Variants in MAGI2 observed in about 807,000 individuals in gnomAD.
MAGI2 encodes the protein membrane-associated guanylate kinase, WW and PDZ domain-containing protein 2.
A neutral mutation model predicts 133.3 loss-of-function variants in MAGI2; 35 were observed. The observed-to-expected ratio is 0.26, with a 90% CI of 0.20 to 0.35. The LOEUF is 0.35. Ranked by LOEUF, MAGI2 falls within the 10% of genes least tolerant of loss-of-function variation. The probability of loss-of-function intolerance (pLI) is 1.00; values close to 1 mark genes in which losing one functional copy is unlikely to be tolerated. For synonymous variants in MAGI2, 729 were observed against 710.6 expected (o/e 1.03, Z -0.41); for missense variants, 1,636 against 1,863.4 (o/e 0.88, Z 2.25).
intron 2 of MAGI2, among the ~76,000 whole-genome samples, chr7:78,771,523 G>A (rs952282463): frequency 6.6e-6 from 1 of 152,216 alleles, no homozygotes. Context: ...TACCAATTAA[G>A]AGAAGCTAGT....
chr7:78,395,794 G>A (rs1232804019), intron 6 of MAGI2, among the ~76,000 whole-genome samples: 1 of 152,160 alleles, frequency 6.6e-6, no homozygotes, highest in Non-Finnish European at 1.5e-5. Flanking sequence ...TGGCAAGAAT[G>A]TGATGAACAT....
intron 1 of MAGI2, among the ~76,000 whole-genome samples, chr7:79,077,782 G>T (rs1815665178): frequency 6.6e-6 from 1 of 151,714 alleles, no homozygotes. Flanking sequence ...AAATTTTAAT[G>T]GTTACCTAGC....
intron 2 of MAGI2, among the ~76,000 whole-genome samples, chr7:78,903,145 G>A (rs1270135148): frequency 3.5e-5 from 5 of 142,306 alleles, no homozygotes; most frequent in Admixed American, 1.4e-4. Context: ...ACTTTCTCGG[G>A]ATTCATGCAA....
chr7:79,375,659 T>G (rs1473225129), intron 1 of MAGI2, among the ~76,000 whole-genome samples: 1 of 151,932 alleles, frequency 6.6e-6, no homozygotes, highest in Non-Finnish European at 1.5e-5. Context: ...CCTGGCTTGA[T>G]AATTCAAATG....
At position 78,559,621 on chromosome 7, in the gene MAGI2, A is replaced by G. The variant is rs1163604765; in HGVS notation, c.539-37976T>C. Among the ~76,000 whole-genome samples the G allele has an allele frequency of 3.3e-5, 5 of 152,172 alleles. No homozygotes were observed. The South Asian group carries it at 6.2e-4, about 19-fold the overall frequency. ...ATTGTCCTGCTGAAAGGGAACCCAC[A>G]GAGTAGAAAAAATACCCGAGAATCA... On this transcript the variant is annotated intron_variant, in intron 3 of 21. Coordinates refer to ENST00000354212, the MANE Select transcript of MAGI2 (RefSeq NM_012301.4).
chr7:78,178,239 G>A, intron 13 of MAGI2, 137 bp from the exon 14 acceptor site: 5 of 555,264 alleles, frequency 9.0e-6, no homozygotes, highest in Non-Finnish European at 1.3e-5. Context: ...AAACCATAGA[G>A]GATACAAAAA....
chr7:79,416,163 A>G (rs977466365), intron 1 of MAGI2, among the ~76,000 whole-genome samples: 1 of 152,114 alleles, frequency 6.6e-6, no homozygotes, highest in African/African-American at 2.4e-5. Context: ...ATAACTGGTT[A>G]CATCACCAAT....
At chr7:79,271,049 C>G (rs1245156327) in intron 1 of MAGI2, among the ~76,000 whole-genome samples, 1 of 152,046 alleles carries the variant, frequency 6.6e-6, no homozygotes, top group African/African-American at 2.4e-5. Context: ...CAACTTATGG[C>G]TCTCTTTGAT....
At chr7:78,045,962 G>A (rs1811376411) in intron 21 of MAGI2, among the ~76,000 whole-genome samples, 4 of 152,126 alleles carry the variant, frequency 2.6e-5, no homozygotes, top group Admixed American at 2.6e-4. Flanking sequence ...TCAATGCCAA[G>A]CTTAAGAACT....
chr7:78,893,450 A>G (rs1235134605), intron 2 of MAGI2, among the ~76,000 whole-genome samples: 1 of 152,138 alleles, frequency 6.6e-6, no homozygotes, highest in Non-Finnish European at 1.5e-5. Context: ...TTGCGGCACT[A>G]TTCACAATAG....
At chr7:78,710,436 T>A (rs1563389916) in intron 2 of MAGI2, among the ~76,000 whole-genome samples, 2 of 152,122 alleles carry the variant, frequency 1.3e-5, no homozygotes, top group Admixed American at 1.3e-4. Context: ...ATTAACCCCA[T>A]CAAAGAATGT....
At chr7:78,940,949 A>G (rs1019654037) in intron 2 of MAGI2, 1 of 152,210 alleles carries the variant, frequency 6.6e-6, no homozygotes, top group Non-Finnish European at 1.5e-5. Flanking sequence ...CGTACATAGA[A>G]CTTTAGAAAG....
chr7:78,690,343 T>C (rs1816823964), intron 2 of MAGI2, among the ~76,000 whole-genome samples: 2 of 152,222 alleles, frequency 1.3e-5, no homozygotes, highest in South Asian at 2.1e-4. Context: ...CATAATACCA[T>C]GTATGTTTCA....
chr7:78,983,427 A>C (rs1254842152), intron 2 of MAGI2, among the ~76,000 whole-genome samples: 1 of 151,944 alleles, frequency 6.6e-6, no homozygotes, highest in Admixed American at 6.6e-5. Context: ...TTTCGGATAA[A>C]GGAGATTTTC....
chr7:79,382,140 T>C (rs554280125), intron 1 of MAGI2, among the ~76,000 whole-genome samples: 6 of 151,758 alleles, frequency 4.0e-5, no homozygotes, highest in Non-Finnish European at 7.4e-5. Context: ...AATCTAAATC[T>C]TACATTTTTA....
intron 20 of MAGI2, among the ~76,000 whole-genome samples, chr7:78,114,263 A>G (rs569278351): frequency 5.3e-5 from 8 of 152,350 alleles, no homozygotes; most frequent in Non-Finnish European, 1.2e-4. Context: ...GATCAGTGAA[A>G]GTATCTTAGG....
chr7:79,236,652 A>T (rs1213239352), intron 1 of MAGI2, among the ~76,000 whole-genome samples: 1 of 152,244 alleles, frequency 6.6e-6, no homozygotes, highest in African/African-American at 2.4e-5. Context: ...ATGGACTCTA[A>T]GTTCTGTTCC....
chr7:78,591,605 C>T (rs998784015), intron 3 of MAGI2, among the ~76,000 whole-genome samples: 1 of 152,180 alleles, frequency 6.6e-6, no homozygotes, highest in African/African-American at 2.4e-5. Flanking sequence ...ACTCCCTGAT[C>T]AGAATTAGGA....
At chr7:78,508,786 C>T (rs933931535) in intron 4 of MAGI2, among the ~76,000 whole-genome samples, 5 of 152,006 alleles carry the variant, frequency 3.3e-5, no homozygotes, top group Non-Finnish European at 5.9e-5. Context: ...TTTATAGTGG[C>T]GTGAAGCTAT....
Sources: gnomAD v4.1 joint callset for allele counts (sites outside exome capture counted in the v4.1 genomes callset) on GRCh38, gnomAD v4.1.1 for gene constraint, MANE v1.5 for transcripts, NCBI Gene and HGNC (gene_info 2026-07-23, HGNC 2026-07-21) for gene names.